The following TPST2 variants were observed in gnomAD, a reference collection of about 807,000 sequenced individuals.
TPST2 encodes protein-tyrosine sulfotransferase 2.
Under a neutral mutation model 27.8 loss-of-function variants are expected in TPST2, and 16 were observed. That is an observed-to-expected ratio of 0.58 (90% CI 0.39 to 0.88). TPST2 has a LOEUF of 0.88. Ranked by LOEUF, TPST2 falls within the 40% of genes least tolerant of loss-of-function variation. The pLI, the probability that TPST2 is intolerant of heterozygous loss-of-function variation, is 0.00. For synonymous variants in TPST2, 229 were observed against 231.7 expected (o/e 0.99, Z 0.10); for missense variants, 464 against 543.1 (o/e 0.85, Z 1.45).
intron 1 of TPST2, among the ~76,000 whole-genome samples, chr22:26,567,404 C>G (rs997644938): frequency 6.6e-6 from 1 of 152,320 alleles, no homozygotes; most frequent in African/African-American, 2.4e-5. Context: ...ACAGGGATGA[C>G]TTAGGTTGAA....
intron 5 of TPST2, among the ~76,000 whole-genome samples, chr22:26,529,275 T>C (rs1925018596): frequency 6.6e-6 from 1 of 152,130 alleles, no homozygotes; most frequent in Admixed American, 6.5e-5. Flanking sequence ...TACAGACGTG[T>C]GCCACCACGA....
Position 26,541,866 on chromosome 22 carries a change from C to G in TPST2, c.-88-148G>C. 2.6e-6 allele frequency: 2 copies of G among 773,636 alleles called. No individual in the cohort carries two copies. The highest frequency in any genetic ancestry group is 3.8e-6 in the Non-Finnish European group (2 of 526,550). 47.9% of individuals were successfully genotyped at this position (773,636 alleles called of 1,614,324 possible). Reference sequence around the variant, plus strand: ...TAAGCACTAGCTGTGTGCCTGGCACCCTGCTGGGCACTTTTTTCAATTTTT... The same window carrying G: ...TAAGCACTAGCTGTGTGCCTGGCACGCTGCTGGGCACTTTTTTCAATTTTT... On this transcript the variant is annotated intron_variant, in intron 2 of 6. Coordinates refer to ENST00000338754, the MANE Select transcript of TPST2 (RefSeq NM_003595.5). The surrounding 1 kb of genome is among the most constrained non-coding windows in gnomAD (Gnocchi z 5.9).
rs556628705 is a variant in TPST2, at chr22:26,528,554, G to A, written c.1093-292C>T. Among the ~76,000 whole-genome samples, 97 of 152,292 alleles carry A rather than the reference G, an allele frequency of 6.4e-4. 2 individuals are homozygous for A. Among genetic ancestry groups the A allele is most frequent in the Non-Finnish European group, 1.0e-3 (71 of 68,020 alleles). On this transcript the variant is annotated intron_variant, in intron 5 of 6. Coordinates refer to ENST00000338754, the MANE Select transcript of TPST2 (RefSeq NM_003595.5). ...AGGCTGCTATGAGTGATCAGTATCT[G>A]TGCTACTTCAAAAACGGTGGCCAGG...
At chr22:26,588,080 A>G (rs1477571539) in intron 1 of TPST2, among the ~76,000 whole-genome samples, 1 of 152,200 alleles carries the variant, frequency 6.6e-6, no homozygotes, top group African/African-American at 2.4e-5. Context: ...TCATAGCAGT[A>G]TTATTCATAA....
At chr22:26,542,331 T>G (rs1049239617) in intron 2 of TPST2, among the ~76,000 whole-genome samples, 4 of 151,456 alleles carry the variant, frequency 2.6e-5, no homozygotes, top group African/African-American at 9.7e-5. Context: ...AGCAATCCTC[T>G]GCCTCAGCCT....
intron 3 of TPST2, among the ~76,000 whole-genome samples, chr22:26,538,015 C>T (rs1224553564): frequency 6.6e-6 from 1 of 152,218 alleles, no homozygotes; most frequent in Non-Finnish European, 1.5e-5. Flanking sequence ...CAACCTGCTT[C>T]CTAACTCTCC....
intron 1 of TPST2, among the ~76,000 whole-genome samples, chr22:26,562,128 G>A (rs1169700262): frequency 2.0e-5 from 3 of 152,340 alleles, no homozygotes; most frequent in Admixed American, 1.3e-4. Flanking sequence ...CCAGCGGCCC[G>A]GCGGGGGCCA....
At chr22:26,531,403 T>A (rs1925154491) in intron 5 of TPST2, among the ~76,000 whole-genome samples, 1 of 152,180 alleles carries the variant, frequency 6.6e-6, no homozygotes, top group Non-Finnish European at 1.5e-5. Flanking sequence ...AGTTTGAACA[T>A]GAAAATTGCA....
intron 1 of TPST2, chr22:26,561,149 A>T (rs1487944305): frequency 1.1e-4 from 182 of 1,605,752 alleles, no homozygotes; most frequent in East Asian, 3.3e-4. Flanking sequence ...AAGATGAAGA[A>T]GATGATGAAT....
chr22:26,541,287 T>C lies in TPST2; in HGVS notation c.344A>G (p.Lys115Arg). The C allele has an allele frequency of 1.3e-6, 2 of 1,541,118 alleles. No homozygotes were observed. The highest frequency in any genetic ancestry group is 1.8e-6 in the Non-Finnish European group (2 of 1,142,336). The change falls in exon 3 of 7, where the codon AAG (lysine) becomes AGG (arginine). Residue 115 changes from lysine (K) to arginine (R), a missense_variant. Coordinates refer to ENST00000338754, the MANE Select transcript of TPST2 (RefSeq NM_003595.5). The surrounding 1 kb of genome is among the most constrained non-coding windows in gnomAD (Gnocchi z 5.9). Reference sequence around the variant, plus strand: ...CAGCCGCAGCTTCTCACGGCCAGACTTGGACCAGGCCTGGCGCATGGCCAG... The same window carrying C: ...CAGCCGCAGCTTCTCACGGCCAGACCTGGACCAGGCCTGGCGCATGGCCAG... Reference protein sequence around the residue: ...RVLAMRQAWSKSGREKLRLDE... With the variant: ...RVLAMRQAWSRSGREKLRLDE...
At chr22:26,572,579 T>G (rs1015211087) in intron 1 of TPST2, among the ~76,000 whole-genome samples, 3 of 152,148 alleles carry the variant, frequency 2.0e-5, no homozygotes, top group Non-Finnish European at 4.4e-5. Context: ...GGGCTGCTTA[T>G]CTCCTCAGCT....
At chr22:26,566,983 C>T (rs1209051420) in intron 1 of TPST2, among the ~76,000 whole-genome samples, 1 of 152,192 alleles carries the variant, frequency 6.6e-6, no homozygotes, top group East Asian at 1.9e-4. Flanking sequence ...CCGGCCTCTA[C>T]CAAGGAGATG....
chr22:26,524,515 C>T lies in TPST2; in HGVS notation c.*1760G>A, dbSNP rs1924727942. On this transcript the variant is annotated 3_prime_UTR_variant, in exon 7 of 7. Coordinates refer to ENST00000338754, the MANE Select transcript of TPST2 (RefSeq NM_003595.5). ...GAGCGAGATTCTGTCTAAACACACA[C>T]ATACACACATACACACCATGAAGTT... The T allele has an allele frequency of 1.3e-5, 1 of 77,818 alleles. No homozygotes were observed. Among genetic ancestry groups the T allele is most frequent in the Non-Finnish European group, 2.5e-5 (1 of 39,356 alleles). The allele number at this position is 77,818 out of a possible 1,614,324, so 4.8% of individuals were successfully genotyped here.
At chr22:26,562,678 C>G (rs1927173441) in intron 1 of TPST2, among the ~76,000 whole-genome samples, 1 of 150,788 alleles carries the variant, frequency 6.6e-6, no homozygotes. Flanking sequence ...GGCTGGAGTG[C>G]AATGGAGCGA....
chr22:26,589,754 G>A (rs1266383582), intron 1 of TPST2, among the ~76,000 whole-genome samples: 2 of 152,176 alleles, frequency 1.3e-5, no homozygotes, highest in Non-Finnish European at 2.9e-5. Context: ...GACGCTGAGC[G>A]TCTCCCAGGC....
rs1602242787 is a variant in TPST2, at chr22:26,524,649, C to T, written c.*1626G>A. The T allele has an allele frequency of 6.6e-6, 1 of 152,350 alleles. No homozygotes were observed. The highest frequency in any genetic ancestry group is 1.9e-4 in the East Asian group (1 of 5,192). The allele number at this position is 152,350 out of a possible 1,614,324, so 9.4% of individuals were successfully genotyped here. A position where few individuals can be genotyped will look rare whatever the true frequency, so the allele number is the denominator to read the frequency against. ...CCAAGCCACAATAAGTCACTGCCTT[C>T]CAAAAGCCTCATATTATCATGAGAT... is the stretch of plus-strand genomic sequence containing the variant. On this transcript the variant is annotated 3_prime_UTR_variant, in exon 7 of 7. Transcript: ENST00000338754.
At chr22:26,578,608 A>C (rs946164389) in intron 1 of TPST2, among the ~76,000 whole-genome samples, 1 of 152,140 alleles carries the variant, frequency 6.6e-6, no homozygotes, top group Non-Finnish European at 1.5e-5. Context: ...GAGGAGAGCA[A>C]ACCAGGCCTC....
At chr22:26,539,929 C>T (rs920193761) in intron 3 of TPST2, among the ~76,000 whole-genome samples, 2 of 152,144 alleles carry the variant, frequency 1.3e-5, no homozygotes. Flanking sequence ...GTTCCTATGT[C>T]CTCAGGTTGC....
At chr22:26,551,263 G>A (rs1193608449) in intron 1 of TPST2, among the ~76,000 whole-genome samples, 1 of 152,200 alleles carries the variant, frequency 6.6e-6, no homozygotes, top group African/African-American at 2.4e-5. Context: ...TCCAATCTGG[G>A]TGACAGGGAG....
Sources: allele counts gnomAD v4.1 joint callset (sites outside exome capture counted in the v4.1 genomes callset), GRCh38; gene constraint gnomAD v4.1.1; non-coding constraint Gnocchi (gnomAD v3.1); transcripts MANE v1.5; gene names NCBI Gene and HGNC (gene_info 2026-07-23, HGNC 2026-07-21).